Variants in ELMO1 observed in about 807,000 individuals in gnomAD.
The protein encoded by ELMO1 is engulfment and cell motility protein 1.
Under a neutral mutation model 98.9 loss-of-function variants are expected in ELMO1, and 26 were observed. That is an observed-to-expected ratio of 0.26 (90% CI 0.19 to 0.36). ELMO1 has a LOEUF of 0.36. Ranked by LOEUF, ELMO1 falls within the 10% of genes least tolerant of loss-of-function variation. The probability of loss-of-function intolerance (pLI) is 1.00; values close to 1 mark genes in which losing one functional copy is unlikely to be tolerated. For synonymous variants in ELMO1, 346 were observed against 346.0 expected (o/e 1.00, Z 0.00); for missense variants, 627 against 935.2 (o/e 0.67, Z 4.30).
At chr7:37,438,141 C>T (rs976143148) in intron 1 of ELMO1, among the ~76,000 whole-genome samples, 3 of 152,244 alleles carry the variant, frequency 2.0e-5, no homozygotes, top group African/African-American at 7.2e-5. Context: ...CCCACCTTTC[C>T]TCTTGTTTTC....
chr7:37,388,092 C>G (rs889535418), intron 1 of ELMO1, among the ~76,000 whole-genome samples: 6 of 152,158 alleles, frequency 3.9e-5, no homozygotes, highest in African/African-American at 1.4e-4. Context: ...CCAGCCTCAG[C>G]CTCCCAAAGT....
intron 14 of ELMO1, chr7:37,116,917 G>A (rs762093211): frequency 1.1e-4 from 23 of 210,336 alleles, no homozygotes; most frequent in African/African-American, 2.1e-4. Flanking sequence ...AAGAAGCTCC[G>A]CAACAAGAGG....
intron 13 of ELMO1, among the ~76,000 whole-genome samples, chr7:37,194,494 C>T (rs186378875): frequency 7.6e-4 from 116 of 152,344 alleles, no homozygotes; most frequent in Non-Finnish European, 1.5e-3. Flanking sequence ...CCAGCCTCTT[C>T]CAACTTCCTG....
At chr7:37,069,186 G>T (rs1049332979) in intron 15 of ELMO1, among the ~76,000 whole-genome samples, 3 of 151,992 alleles carry the variant, frequency 2.0e-5, no homozygotes, top group African/African-American at 7.3e-5. Context: ...TTACTCCCAG[G>T]GTTGGCCAGT....
chr7:37,101,049 A>G (rs1261617687), intron 14 of ELMO1, among the ~76,000 whole-genome samples: 1 of 152,228 alleles, frequency 6.6e-6, no homozygotes, highest in Non-Finnish European at 1.5e-5. Flanking sequence ...CTGTTTCTGC[A>G]TGGCCCATGG....
rs534817172 is a variant in ELMO1, at chr7:37,027,168, C to T, written c.1301-13733G>A. Among the ~76,000 whole-genome samples the T allele has an allele frequency of 9.8e-5, 15 of 152,304 alleles. No homozygotes were observed. In the South Asian group the frequency reaches 2.9e-3, roughly 29 times the overall value. On this transcript the variant is annotated intron_variant, in intron 15 of 21. Transcript: ENST00000310758. ...CTTCCTCCCTCTCTCCCCCAACTTT[C>T]TGAAACTGAGTGTAGGTGTTCTCTT...
At chr7:37,226,655 C>A (rs1793889010) in intron 8 of ELMO1, among the ~76,000 whole-genome samples, 1 of 152,126 alleles carries the variant, frequency 6.6e-6, no homozygotes, top group African/African-American at 2.4e-5. Context: ...ATTTTCTCCT[C>A]ATTCCCGGCT....
intron 13 of ELMO1, among the ~76,000 whole-genome samples, chr7:37,179,782 C>G (rs996531887): frequency 5.9e-5 from 9 of 152,178 alleles, no homozygotes; most frequent in African/African-American, 2.2e-4. Flanking sequence ...AAGAAATCAG[C>G]AACATATCAA....
chr7:37,028,424 G>A (rs569866437), intron 15 of ELMO1, among the ~76,000 whole-genome samples: 1 of 152,070 alleles, frequency 6.6e-6, no homozygotes, highest in Non-Finnish European at 1.5e-5. Flanking sequence ...AATCCTTACA[G>A]TTGATAAAAC....
At chr7:37,033,104 T>G (rs1483280363) in intron 15 of ELMO1, among the ~76,000 whole-genome samples, 1 of 152,156 alleles carries the variant, frequency 6.6e-6, no homozygotes, top group Non-Finnish European at 1.5e-5. Context: ...CCATTTACAT[T>G]CAGACTCCAC....
intron 15 of ELMO1, among the ~76,000 whole-genome samples, chr7:37,076,174 C>T (rs775020298): frequency 6.6e-6 from 1 of 152,218 alleles, no homozygotes; most frequent in Non-Finnish European, 1.5e-5. Context: ...TCGTTACCCC[C>T]TGATGAGTCA....
At chr7:36,937,362 G>C (rs1786634064) in intron 16 of ELMO1, among the ~76,000 whole-genome samples, 1 of 152,204 alleles carries the variant, frequency 6.6e-6, no homozygotes, top group Non-Finnish European at 1.5e-5. Context: ...CTGCAAGCGA[G>C]GAAATGCCAA....
intron 15 of ELMO1, among the ~76,000 whole-genome samples, chr7:37,056,882 C>A (rs892694985): frequency 6.6e-6 from 1 of 152,162 alleles, no homozygotes; most frequent in African/African-American, 2.4e-5. Flanking sequence ...CCAGTTACTG[C>A]ACCTCTGAAT....
intron 7 of ELMO1, among the ~76,000 whole-genome samples, chr7:37,235,036 A>T (rs930344553): frequency 6.6e-6 from 1 of 152,236 alleles, no homozygotes; most frequent in African/African-American, 2.4e-5. Context: ...GGTGCCCCCT[A>T]GGTGGCATCA....
intron 13 of ELMO1, among the ~76,000 whole-genome samples, chr7:37,156,959 C>T (rs1788813764): frequency 6.6e-6 from 1 of 152,180 alleles, no homozygotes; most frequent in Admixed American, 6.5e-5. Context: ...CATCAAAAAG[C>T]TTATCCACCA....
intron 16 of ELMO1, among the ~76,000 whole-genome samples, chr7:36,970,057 C>CT (rs1462189467): frequency 6.6e-6 from 1 of 152,038 alleles, no homozygotes; most frequent in Non-Finnish European, 1.5e-5. Context: ...AACTCTTCTT[C>CT]TGGATTCTCC....
chr7:37,392,678 A>C (rs1384864689), intron 1 of ELMO1, among the ~76,000 whole-genome samples: 1 of 152,160 alleles, frequency 6.6e-6, no homozygotes, highest in Non-Finnish European at 1.5e-5. Flanking sequence ...CTTTCTGATC[A>C]CACTGGCTAG....
chr7:37,320,428 C>A (rs930951972), intron 2 of ELMO1, among the ~76,000 whole-genome samples: 1 of 152,046 alleles, frequency 6.6e-6, no homozygotes, highest in East Asian at 1.9e-4. Context: ...AAAAAAAAAT[C>A]CCATCTCCAC....
At chr7:37,147,132 G>A (rs1788036700) in intron 13 of ELMO1, among the ~76,000 whole-genome samples, 1 of 152,152 alleles carries the variant, frequency 6.6e-6, no homozygotes, top group Admixed American at 6.5e-5. Context: ...CATGTCTAGA[G>A]ATTAAGGGAA....
Sources: allele counts gnomAD v4.1 joint callset (sites outside exome capture counted in the v4.1 genomes callset), GRCh38; gene constraint gnomAD v4.1.1; transcripts MANE v1.5; gene names NCBI Gene and HGNC (gene_info 2026-07-23, HGNC 2026-07-21).